HECTD4: variants seen among roughly 807,000 people sequenced by gnomAD.
HECTD4 encodes HECT domain E3 ubiquitin protein ligase 4.
HECTD4 carries 114 observed loss-of-function variants against 471.5 expected under a neutral mutation model. The observed-to-expected ratio is 0.24, with a 90% CI of 0.21 to 0.28. The LOEUF (loss-of-function observed/expected upper bound fraction) is 0.28, where lower values mean the gene tolerates loss of function less well. HECTD4 is among the 10% of genes least tolerant of loss of function. The pLI is 1.00. For missense variants in HECTD4, 3,866 were observed against 5,651.5 expected, an observed-to-expected ratio of 0.68 and a Z score of 10.13; for synonymous variants, 2,012 against 2,256.0, an observed-to-expected ratio of 0.89 and a Z score of 3.07.
chr12:112,363,992 C>CAAAAAAAAAA, intron 1 of HECTD4, among the ~76,000 whole-genome samples: 1 of 52,886 alleles, frequency 1.9e-5, no homozygotes, highest in Non-Finnish European at 3.5e-5. Context: ...ACTCAATCTC[C>CAAAAAAAAAA]AAAAAAAAAA....
At chr12:112,261,560 G>T in intron 17 of HECTD4, 131 bp from the exon 18 acceptor site, 2 of 938,590 alleles carry the variant, frequency 2.1e-6, no homozygotes, top group Non-Finnish European at 3.1e-6. Flanking sequence ...TAAGCCCAAA[G>T]CAGTAAATTC....
chr12:112,364,484 C>T (rs973814760), intron 1 of HECTD4, among the ~76,000 whole-genome samples: 1 of 151,914 alleles, frequency 6.6e-6, no homozygotes, highest in Non-Finnish European at 1.5e-5. Flanking sequence ...AATGCCAGCA[C>T]CCTGGAAGGC....
chr12:112,184,101 A>G lies in HECTD4; in HGVS notation c.10779+86T>C. On this transcript the variant is annotated intron_variant, in intron 61 of 75. Transcript: ENST00000682272. The surrounding 1 kb of genome is among the most constrained non-coding windows in gnomAD (Gnocchi z 9.1). Reference sequence around the variant, plus strand: ...CCCAACCGCTCCACCATTACCTACTAGGAAATAACTTTGGAAGATTTAAAG... The same window carrying G: ...CCCAACCGCTCCACCATTACCTACTGGGAAATAACTTTGGAAGATTTAAAG... 1 of 1,318,922 alleles carries G rather than the reference A, an allele frequency of 7.6e-7. No individual in the cohort carries two copies. Among genetic ancestry groups the G allele is most frequent in the Non-Finnish European group, 1.1e-6 (1 of 951,294 alleles). The allele number at this position is 1,318,922 out of a possible 1,614,324, so 81.7% of individuals were successfully genotyped here. A position where few individuals can be genotyped will look rare whatever the true frequency, so the allele number is the denominator to read the frequency against.
intron 70 of HECTD4, among the ~76,000 whole-genome samples, chr12:112,168,690 C>CCTGGACCCTGGAACCCCAGCTGG (rs2031085636): frequency 6.6e-6 from 1 of 152,240 alleles, no homozygotes; most frequent in South Asian, 2.1e-4. Flanking sequence ...AGGCCAGGGG[C>CCTGGACCCTGGAACCCCAGCTGG]CTGGACCCTG....
chr12:112,347,691 T>C (rs2036181013), intron 1 of HECTD4, among the ~76,000 whole-genome samples: 1 of 152,262 alleles, frequency 6.6e-6, no homozygotes, highest in African/African-American at 2.4e-5. Flanking sequence ...ACAACCTTTC[T>C]TCTATTCCAA....
chr12:112,302,785 AT>A lies in HECTD4; in HGVS notation c.1335+3278del, dbSNP rs551294129. 700 of 276,520 alleles carry A rather than the reference AT, an allele frequency of 2.5e-3. 7 individuals are homozygous for A. The highest frequency in any genetic ancestry group is 0.014 in the African/African-American group (643 of 44,800). The allele number at this position is 276,520 out of a possible 1,614,324, so 17.1% of individuals were successfully genotyped here. On this transcript the variant is annotated intron_variant, in intron 7 of 75. Coordinates refer to ENST00000682272, the MANE Select transcript of HECTD4 (RefSeq NM_001388303.1). ...CTTGGTAGTCTGCTCTTTTTGTTTA[AT>A]TTTAAAACTTTTTATTAGGGAAAAT...
At chr12:112,339,055 C>G (rs911307306) in intron 1 of HECTD4, among the ~76,000 whole-genome samples, 1 of 152,060 alleles carries the variant, frequency 6.6e-6, no homozygotes, top group African/African-American at 2.4e-5. Flanking sequence ...CAGGGACTAG[C>G]CTACAATCCA....
chr12:112,287,271 T>C (rs1354581096), intron 7 of HECTD4, among the ~76,000 whole-genome samples: 1 of 152,196 alleles, frequency 6.6e-6, no homozygotes. Context: ...ATTGTCCCAC[T>C]TCCCATACTC....
At chr12:112,231,128 A>G in intron 39 of HECTD4, 2 of 448,610 alleles carry the variant, frequency 4.5e-6, no homozygotes, top group East Asian at 3.9e-5. Context: ...CCTCGAACCA[A>G]CTTCACAGAG....
In HECTD4 at chr12:112,259,093, G is replaced by A; in HGVS notation, c.3027+19C>T. ...GGTTGGCCAAAAAGCAGTTCACTTTGGCACACCAAGGATCATACCTGGCTG... is the reference window on the plus strand; with the variant it reads ...GGTTGGCCAAAAAGCAGTTCACTTTAGCACACCAAGGATCATACCTGGCTG... On this transcript the variant is annotated intron_variant, in intron 19 of 75. Transcript: ENST00000682272. 1.3e-6 allele frequency: 2 copies of A among 1,581,714 alleles called. No homozygotes were observed. Among genetic ancestry groups the A allele is most frequent in the Non-Finnish European group, 8.5e-7 (1 of 1,169,766 alleles).
intron 1 of HECTD4, among the ~76,000 whole-genome samples, chr12:112,348,907 A>C (rs1326866421): frequency 6.6e-6 from 1 of 152,172 alleles, no homozygotes; most frequent in Non-Finnish European, 1.5e-5. Context: ...AAATCTTAAC[A>C]GAGGAATTAT....
chr12:112,221,919 T>C (rs915136501), intron 44 of HECTD4, among the ~76,000 whole-genome samples: 5 of 149,524 alleles, frequency 3.3e-5, no homozygotes, highest in African/African-American at 5.0e-5. Flanking sequence ...CATGCTCGGC[T>C]GATTTTTCTT....
intron 54 of HECTD4, among the ~76,000 whole-genome samples, chr12:112,202,116 G>C (rs1335617438): frequency 1.3e-5 from 2 of 152,080 alleles, no homozygotes; most frequent in Non-Finnish European, 2.9e-5. Context: ...TTTTCCATTT[G>C]AAAGTTCACC....
intron 1 of HECTD4, among the ~76,000 whole-genome samples, chr12:112,361,103 G>A (rs989784099): frequency 4.0e-5 from 6 of 151,874 alleles, no homozygotes; most frequent in Admixed American, 2.6e-4. Context: ...GTTCATCCGC[G>A]ACAATACACG....
rs779844066 is a variant in HECTD4, at chr12:112,231,722, T to C, written c.5998-7A>G. The C allele has an allele frequency of 5.0e-6, 8 of 1,607,832 alleles. No homozygotes were observed. The highest frequency in any genetic ancestry group is 6.8e-6 in the Non-Finnish European group (8 of 1,178,170). ...TCACTTCGCAACAGCCACCCTGGGG[T>C]GAGGTTGAAGACGCTGAGAAGATTC... On this transcript the variant is annotated splice_region_variant and splice_polypyrimidine_tract_variant and intron_variant, in intron 38 of 75. Coordinates refer to ENST00000682272, the MANE Select transcript of HECTD4 (RefSeq NM_001388303.1).
In HECTD4 at chr12:112,192,647, G is replaced by A. The variant is rs2032117703; in HGVS notation, c.9205C>T (p.Pro3069Ser). 7 of 1,608,762 alleles carry A rather than the reference G, an allele frequency of 4.4e-6. No individual in the cohort carries two copies. Among genetic ancestry groups the A allele is most frequent in the Non-Finnish European group, 5.9e-6 (7 of 1,178,058 alleles). ...GGAGGTGCAAGCCCAGTGTTGGCTG[G>A]GGACGCGTCCCGCGGGTAACAGGCG... ...EAACYPRDAS[P>S]ANTGLAPPPT... Residue 3069 changes from proline (P) to serine (S), a missense_variant, in exon 59 of 76, where the codon CCA becomes TCA. Coordinates refer to ENST00000682272, the MANE Select transcript of HECTD4 (RefSeq NM_001388303.1).
chr12:112,262,096 C>A (rs2034157364), intron 17 of HECTD4: 1 of 152,138 alleles, frequency 6.6e-6, no homozygotes, highest in Admixed American at 6.6e-5. Context: ...GTTTAGTTTA[C>A]AATTATTTTC....
At chr12:112,220,187 T>TA (rs2033048541) in intron 44 of HECTD4, among the ~76,000 whole-genome samples, 1 of 152,158 alleles carries the variant, frequency 6.6e-6, no homozygotes, top group Admixed American at 6.6e-5. Context: ...TCTCATCATC[T>TA]AATAAATGAA....
chr12:112,256,250 A>G, intron 21 of HECTD4, 70 bp downstream of exon 21: 1 of 1,162,270 alleles, frequency 8.6e-7, no homozygotes, highest in South Asian at 1.9e-5. Context: ...CCAGCAGCAA[A>G]GAAAAATAAG....
Sources: gnomAD v4.1 joint callset for allele counts (sites outside exome capture counted in the v4.1 genomes callset) on GRCh38, gnomAD v4.1.1 for gene constraint, Gnocchi (gnomAD v3.1) non-coding constraint, MANE v1.5 for transcripts, NCBI Gene and HGNC (gene_info 2026-07-23, HGNC 2026-07-21) for gene names.